PTPRM: variants seen among roughly 807,000 people sequenced by gnomAD.
PTPRM encodes protein tyrosine phosphatase receptor type M, also known as receptor-type tyrosine-protein phosphatase mu.
Under a neutral mutation model 186.7 loss-of-function variants are expected in PTPRM, and 47 were observed. The observed-to-expected ratio is 0.25, with a 90% CI of 0.20 to 0.32. PTPRM has a LOEUF of 0.32. PTPRM is among the 10% of genes least tolerant of loss of function. PTPRM has a pLI of 1.00. For synonymous variants in PTPRM, 668 were observed against 674.9 expected (o/e 0.99, Z 0.16); for missense variants, 1,494 against 1,865.0 (o/e 0.80, Z 3.66).
At chr18:7,773,616 C>T (rs1190389233) in intron 1 of PTPRM, among the ~76,000 whole-genome samples, 9 of 124,456 alleles carry the variant, frequency 7.2e-5, no homozygotes, top group South Asian at 4.8e-4. Flanking sequence ...GACAGATTTT[C>T]GCCCTGTCGC....
intron 4 of PTPRM, among the ~76,000 whole-genome samples, chr18:7,923,214 A>G (rs2050970961): frequency 6.6e-6 from 1 of 152,216 alleles, no homozygotes; most frequent in Admixed American, 6.5e-5. Flanking sequence ...CTACATACCC[A>G]GACACCTTGT....
At chr18:8,266,088 CTT>C (rs2094697384) in intron 19 of PTPRM, among the ~76,000 whole-genome samples, 1 of 152,110 alleles carries the variant, frequency 6.6e-6, no homozygotes, top group African/African-American at 2.4e-5. Context: ...TTTTCTTCCT[CTT>C]GTCTCCCCTC....
intron 7 of PTPRM, among the ~76,000 whole-genome samples, chr18:8,050,033 A>G (rs781229989): frequency 7.2e-5 from 11 of 152,138 alleles, no homozygotes; most frequent in African/African-American, 1.9e-4. Flanking sequence ...TTTTATTGCA[A>G]CTAAGAAGGA....
At position 7,888,242 on chromosome 18, in the gene PTPRM, G is replaced by A. The variant is rs760063313; in HGVS notation, c.333G>A (p.Pro111=). The A allele has an allele frequency of 1.4e-5, 22 of 1,613,930 alleles. No homozygotes were observed. Among genetic ancestry groups the A allele is most frequent in the South Asian group, 2.2e-5 (2 of 91,070 alleles). The change falls in exon 3 of 33, where the codon CCG becomes CCA. Residue 111 remains proline (P), a synonymous_variant. Transcript: ENST00000580170. ...TGTCCAGCAAGAGTAATTCTCCTCC[G>A]GGGTTACTCAATGTCTACGTGAAGG... is the stretch of plus-strand genomic sequence containing the variant. ...YFVSSKSNSP[P]GLLNVYVKVN... is the part of the protein sequence containing the mutation.
intron 20 of PTPRM, among the ~76,000 whole-genome samples, chr18:8,313,440 C>T (rs922159459): frequency 5.3e-5 from 8 of 152,128 alleles, no homozygotes; most frequent in African/African-American, 1.7e-4. Flanking sequence ...AACGACAATG[C>T]ACTTTTTATT....
At chr18:8,069,104 C>T (rs1375344322) in intron 7 of PTPRM, among the ~76,000 whole-genome samples, 11 of 93,784 alleles carry the variant, frequency 1.2e-4, no homozygotes, top group African/African-American at 4.6e-4. Context: ...TGTGAGACTC[C>T]GTCTCAAAAA....
In PTPRM at chr18:7,755,916, C is replaced by T. The variant is rs189918488; in HGVS notation, c.74-18233C>T. On this transcript the variant is annotated intron_variant, in intron 1 of 32. Transcript: ENST00000580170. ...TTCTCCCTCTAGTGTTCCACTTGCACAGGGGTAAGTTGCACAACTTTGTTC... is the reference window on the plus strand; with the variant it reads ...TTCTCCCTCTAGTGTTCCACTTGCATAGGGGTAAGTTGCACAACTTTGTTC... 6.4e-3 allele frequency among the ~76,000 whole-genome samples: 980 copies of T among 152,300 alleles called. 5 individuals are homozygous for T. The highest frequency in any genetic ancestry group is 9.3e-3 in the Non-Finnish European group (631 of 68,022).
intron 14 of PTPRM, among the ~76,000 whole-genome samples, chr18:8,209,374 G>A (rs2093972299): frequency 6.6e-6 from 1 of 152,104 alleles, no homozygotes; most frequent in Non-Finnish European, 1.5e-5. Context: ...AGGGTTTGCT[G>A]ATAGATTGAA....
chr18:7,992,712 T>G (rs956357891), intron 7 of PTPRM, among the ~76,000 whole-genome samples: 1 of 152,110 alleles, frequency 6.6e-6, no homozygotes, highest in Non-Finnish European at 1.5e-5. Flanking sequence ...CAAAACCAAT[T>G]TTACCATAGG....
chr18:7,974,405 C>A (rs1235004614), intron 7 of PTPRM, among the ~76,000 whole-genome samples: 1 of 152,122 alleles, frequency 6.6e-6, no homozygotes, highest in Non-Finnish European at 1.5e-5. Flanking sequence ...CAGAGATTCC[C>A]AGAGCAGTTG....
At chr18:8,226,192 G>A (rs780279863) in intron 14 of PTPRM, among the ~76,000 whole-genome samples, 1 of 152,128 alleles carries the variant, frequency 6.6e-6, no homozygotes, top group Non-Finnish European at 1.5e-5. Context: ...CAACTTTGGT[G>A]ATGCTTTTGA....
chr18:8,346,710 T>C lies in PTPRM; in HGVS notation c.3054+3190T>C, dbSNP rs144528954. ...AATAATACAGCTATTAGTGTAACCG[T>C]AGGTTTCCACCAACAAACCTAAGAC... On this transcript the variant is annotated intron_variant, in intron 23 of 32. Coordinates refer to ENST00000580170, the MANE Select transcript of PTPRM (RefSeq NM_001105244.2). Among the ~76,000 whole-genome samples, 296 of 152,220 alleles carry C rather than the reference T, an allele frequency of 1.9e-3. 1 individual carries two copies. The highest frequency in any genetic ancestry group is 5.1e-3 in the African/African-American group (211 of 41,560).
intron 26 of PTPRM, 121 bp from the exon 27 acceptor site, chr18:8,378,144 C>T: frequency 9.8e-7 from 1 of 1,017,220 alleles, no homozygotes; most frequent in Non-Finnish European, 1.4e-6. Context: ...AGCCCTTGGA[C>T]CGTGTTTCTC....
At chr18:8,295,928 T>C (rs1423999271) in intron 19 of PTPRM, among the ~76,000 whole-genome samples, 2 of 152,180 alleles carry the variant, frequency 1.3e-5, no homozygotes, top group Non-Finnish European at 2.9e-5. Flanking sequence ...TTACCTACTC[T>C]CATGTTTTAA....
intron 14 of PTPRM, among the ~76,000 whole-genome samples, chr18:8,235,816 A>T (rs1241268720): frequency 6.6e-6 from 1 of 151,658 alleles, no homozygotes; most frequent in Non-Finnish European, 1.5e-5. Context: ...TTCTCTTGAG[A>T]TTTCTTTTTT....
chr18:7,739,917 C>CTG (rs1202335089), intron 1 of PTPRM, among the ~76,000 whole-genome samples: 1 of 152,186 alleles, frequency 6.6e-6, no homozygotes, highest in African/African-American at 2.4e-5. Flanking sequence ...ATTTCCTGTC[C>CTG]TGTATTGACG....
chr18:8,167,997 T>C (rs2093347534), intron 14 of PTPRM, among the ~76,000 whole-genome samples: 1 of 152,256 alleles, frequency 6.6e-6, no homozygotes, highest in African/African-American at 2.4e-5. Flanking sequence ...CTGCCCTTGC[T>C]TGTGTATTCC....
chr18:8,190,638 C>G (rs1601114835), intron 14 of PTPRM, among the ~76,000 whole-genome samples: 2 of 152,044 alleles, frequency 1.3e-5, no homozygotes, highest in South Asian at 4.2e-4. Context: ...AATAATAAAT[C>G]TATGTTCTGT....
At chr18:8,139,064 AC>A (rs1423612551) in intron 13 of PTPRM, among the ~76,000 whole-genome samples, 1 of 151,840 alleles carries the variant, frequency 6.6e-6, no homozygotes, top group Non-Finnish European at 1.5e-5. Flanking sequence ...TATCTTCTAC[AC>A]CCAGATCTCT....
Sources: gnomAD v4.1 joint callset for allele counts (sites outside exome capture counted in the v4.1 genomes callset) on GRCh38, gnomAD v4.1.1 for gene constraint, MANE v1.5 for transcripts, NCBI Gene and HGNC (gene_info 2026-07-23, HGNC 2026-07-21) for gene names.